Variants in SEZ6L observed in about 807,000 individuals in gnomAD.
SEZ6L encodes the protein seizure related 6 homolog like.
SEZ6L carries 37 observed loss-of-function variants against 106.2 expected under a neutral mutation model. The observed-to-expected ratio is 0.35, with a 90% CI of 0.27 to 0.46. SEZ6L has a LOEUF of 0.46. Ranked by LOEUF, SEZ6L falls within the 20% of genes least tolerant of loss-of-function variation. SEZ6L has a pLI of 1.00. For synonymous variants in SEZ6L, 541 were observed against 570.4 expected (o/e 0.95, Z 0.73); for missense variants, 1,172 against 1,332.8 (o/e 0.88, Z 1.88).
intron 6 of SEZ6L, among the ~76,000 whole-genome samples, chr22:26,310,329 A>T (rs2081778269): frequency 6.6e-6 from 1 of 152,200 alleles, no homozygotes; most frequent in Admixed American, 6.5e-5. Flanking sequence ...TGAGGTCAGG[A>T]GTTCGAGACC....
chr22:26,353,905 A>C (rs2083355991), intron 12 of SEZ6L, among the ~76,000 whole-genome samples: 1 of 152,194 alleles, frequency 6.6e-6, no homozygotes. Context: ...AACCCATGGT[A>C]TCTGTAACTG....
At chr22:26,379,969 C>G (rs1277186478) in intron 16 of SEZ6L, among the ~76,000 whole-genome samples, 1 of 152,192 alleles carries the variant, frequency 6.6e-6, no homozygotes, top group Non-Finnish European at 1.5e-5. Flanking sequence ...TGACTCAGCT[C>G]TGCTCTGTGT....
chr22:26,251,338 GT>G (rs5844679), intron 1 of SEZ6L, among the ~76,000 whole-genome samples: 30,467 of 148,866 alleles, frequency 0.2, 3,034 homozygotes, highest in African/African-American at 0.25. Context: ...TTTGTTGAAA[GT>G]TTTTTTTTTT....
chr22:26,304,641 A>T (rs2081579271), intron 5 of SEZ6L, among the ~76,000 whole-genome samples: 2 of 152,262 alleles, frequency 1.3e-5, no homozygotes, highest in East Asian at 1.9e-4. Context: ...CTGGTAAGAA[A>T]TTTTTCAAGA....
intron 1 of SEZ6L, chr22:26,241,251 T>C (rs2079120686): frequency 6.6e-6 from 1 of 152,192 alleles, no homozygotes; most frequent in Non-Finnish European, 1.5e-5. Flanking sequence ...ACCCAGGGCT[T>C]GGTGCCCCTT....
rs1482853776 is a variant in SEZ6L at position 26,282,858 on chromosome 22, G to T, written c.95-9548G>T. Among the ~76,000 whole-genome samples, 3 of 152,146 alleles carry T rather than the reference G, an allele frequency of 2.0e-5. No homozygotes were observed. The East Asian group carries it at 5.8e-4, about 29-fold the overall frequency. ...AATAGGTTCAGATTATTCTGAAGGTGATTTTTTTTCTATGTCAATCAAAAT... is the reference window on the plus strand; with the variant it reads ...AATAGGTTCAGATTATTCTGAAGGTTATTTTTTTTCTATGTCAATCAAAAT... On this transcript the variant is annotated intron_variant, in intron 1 of 16. Coordinates refer to ENST00000248933, the MANE Select transcript of SEZ6L (RefSeq NM_021115.5).
intron 9 of SEZ6L, among the ~76,000 whole-genome samples, 193 bp downstream of exon 9, chr22:26,314,095 C>CACACAGAG (rs1491457169): frequency 4.2e-4 from 57 of 136,324 alleles, no homozygotes; most frequent in South Asian, 1.4e-3. Context: ...CACACACACA[C>CACACAGAG]AGAGAGAGAG....
chr22:26,299,492 G>T (rs192081465), intron 5 of SEZ6L, among the ~76,000 whole-genome samples: 1 of 151,860 alleles, frequency 6.6e-6, no homozygotes, highest in South Asian at 2.1e-4. Flanking sequence ...CCCCACACTC[G>T]CTGGCAACCA....
intron 1 of SEZ6L, among the ~76,000 whole-genome samples, chr22:26,178,063 GA>G (rs1036488859): frequency 1.3e-5 from 2 of 152,182 alleles, no homozygotes; most frequent in African/African-American, 4.8e-5. Context: ...GAGACCCAAG[GA>G]GTGTGGCAAT....
intron 1 of SEZ6L, among the ~76,000 whole-genome samples, chr22:26,282,259 G>A (rs2080795891): frequency 6.6e-6 from 1 of 152,164 alleles, no homozygotes; most frequent in Admixed American, 6.5e-5. Context: ...CACGTAACTA[G>A]TCCCCTATGG....
intron 1 of SEZ6L, among the ~76,000 whole-genome samples, chr22:26,208,803 C>T (rs1262097316): frequency 4.8e-5 from 7 of 146,728 alleles, no homozygotes; most frequent in Non-Finnish European, 1.0e-4. Context: ...TATATTTAAA[C>T]ATGTTTACTG....
chr22:26,366,817 A>G (rs1176006886), intron 13 of SEZ6L, among the ~76,000 whole-genome samples: 1 of 152,146 alleles, frequency 6.6e-6, no homozygotes, highest in African/African-American at 2.4e-5. Flanking sequence ...CTAAATTATT[A>G]CTAAATTTTT....
At chr22:26,204,733 C>T (rs1941189911) in intron 1 of SEZ6L, among the ~76,000 whole-genome samples, 1 of 152,104 alleles carries the variant, frequency 6.6e-6, no homozygotes, top group Admixed American at 6.5e-5. Flanking sequence ...AGTGTTCTGC[C>T]AGAGGGAACG....
chr22:26,220,571 G>T (rs967036043), intron 1 of SEZ6L, among the ~76,000 whole-genome samples: 1 of 152,144 alleles, frequency 6.6e-6, no homozygotes, highest in Non-Finnish European at 1.5e-5. Flanking sequence ...AGGTCTCATT[G>T]CCAGGTGAGA....
intron 6 of SEZ6L, among the ~76,000 whole-genome samples, chr22:26,309,389 C>A (rs891278882): frequency 6.6e-6 from 1 of 152,160 alleles, no homozygotes. Flanking sequence ...ATGGTTGGGT[C>A]TCTCCTTTCA....
chr22:26,213,163 T>C (rs6004960), intron 1 of SEZ6L, among the ~76,000 whole-genome samples: 2,278 of 152,272 alleles, frequency 0.015, 55 homozygotes, highest in African/African-American at 0.052. Context: ...AGCCATATAG[T>C]CTTCTCCCTG....
intron 15 of SEZ6L, among the ~76,000 whole-genome samples, chr22:26,376,775 T>C (rs1429241649): frequency 1.3e-5 from 2 of 151,842 alleles, no homozygotes; most frequent in African/African-American, 4.8e-5. Flanking sequence ...TATGCAAATA[T>C]GTGAAAAAGG....
chr22:26,234,818 G>A (rs1346629425), intron 1 of SEZ6L, among the ~76,000 whole-genome samples: 1 of 152,242 alleles, frequency 6.6e-6, no homozygotes, highest in Non-Finnish European at 1.5e-5. Flanking sequence ...ATAATTACAG[G>A]AAAGTGTGAT....
intron 9 of SEZ6L, among the ~76,000 whole-genome samples, chr22:26,316,114 C>A (rs1379977108): frequency 6.6e-6 from 1 of 152,164 alleles, no homozygotes; most frequent in African/African-American, 2.4e-5. Flanking sequence ...CCATTCCTTT[C>A]TCTCTGACTT....
Sources: allele counts gnomAD v4.1 joint callset (sites outside exome capture counted in the v4.1 genomes callset), GRCh38; gene constraint gnomAD v4.1.1; transcripts MANE v1.5; gene names NCBI Gene and HGNC (gene_info 2026-07-23, HGNC 2026-07-21).